The following CAMK1 variants were observed in gnomAD, a reference collection of about 807,000 sequenced individuals.
CAMK1 encodes calcium/calmodulin dependent protein kinase I, also known as calcium/calmodulin-dependent protein kinase type 1.
CAMK1 carries 39 observed loss-of-function variants against 49.1 expected under a neutral mutation model. The observed-to-expected ratio is 0.79, with a 90% CI of 0.62 to 1.04. CAMK1 has a LOEUF of 1.04. Ranked by LOEUF, CAMK1 falls within the 50% of genes least tolerant of loss-of-function variation. CAMK1 has a pLI of 0.00. For synonymous variants in CAMK1, 192 were observed against 185.2 expected, an observed-to-expected ratio of 1.04 and a Z score of -0.30; for missense variants, 457 against 472.2, an observed-to-expected ratio of 0.97 and a Z score of 0.30.
At chr3:9,768,790 A>G (rs958528576) in intron 1 of CAMK1, among the ~76,000 whole-genome samples, 1 of 152,178 alleles carries the variant, frequency 6.6e-6, no homozygotes, top group Non-Finnish European at 1.5e-5. Context: ...AATGAGGAGA[A>G]GGTGCCCTGA....
At chr3:9,758,435 T>C (rs2077690198) in intron 10 of CAMK1, 1 of 154,384 alleles carries the variant, frequency 6.5e-6, no homozygotes, top group Non-Finnish European at 1.4e-5. Flanking sequence ...TGACATCTCT[T>C]TCCCCCAACA....
chr3:9,762,899 C>T lies in CAMK1; in HGVS notation c.429+15G>A. 1.9e-6 allele frequency: 3 copies of T among 1,613,662 alleles called. No individual in the cohort carries two copies. Among genetic ancestry groups the T allele is most frequent in the Non-Finnish European group, 1.7e-6 (2 of 1,179,766 alleles). Reference sequence around the variant, plus strand: ...CCCTGGGTACCCTAGCTCACCACACCCCCTTGAGCCCCACCTTGAGATCCC... The same window carrying T: ...CCCTGGGTACCCTAGCTCACCACACTCCCTTGAGCCCCACCTTGAGATCCC... On this transcript the variant is annotated intron_variant, in intron 5 of 11. Coordinates refer to ENST00000256460, the MANE Select transcript of CAMK1 (RefSeq NM_003656.5).
At chr3:9,760,964 C>A in intron 7 of CAMK1, 196 bp from the exon 8 acceptor site, 1 of 765,970 alleles carries the variant, frequency 1.3e-6, no homozygotes, top group South Asian at 1.8e-5. Flanking sequence ...GCCATCTTGC[C>A]CTCCTCAGGG....
At chr3:9,764,299 T>C (rs2125587556) in intron 3 of CAMK1, among the ~76,000 whole-genome samples, 1 of 152,326 alleles carries the variant, frequency 6.6e-6, no homozygotes, top group African/African-American at 2.4e-5. Context: ...AATTGATTTT[T>C]TTTTTCTTTT....
chr3:9,759,989 TC>T, intron 8 of CAMK1: 1 of 487,072 alleles, frequency 2.1e-6, no homozygotes, highest in African/African-American at 1.9e-5. Flanking sequence ...ATGTCTGTAA[TC>T]CCAGCACTTT....
At chr3:9,759,822 A>C (rs752809610) in intron 8 of CAMK1, 72 bp from the exon 9 acceptor site, 2 of 1,611,960 alleles carry the variant, frequency 1.2e-6, no homozygotes, top group East Asian at 2.2e-5. Context: ...GAGCATACCC[A>C]CTCCCTCAGG....
intron 10 of CAMK1, chr3:9,759,244 A>G (rs2077732639): frequency 1.2e-6 from 2 of 1,614,216 alleles, no homozygotes; most frequent in Non-Finnish European, 1.7e-6. Flanking sequence ...GCTGGATCAG[A>G]TGCCTCCTGA....
Position 9,757,653 on chromosome 3 carries a change from A to AGG in CAMK1, c.1031-34_1031-33dup. 2 of 1,614,056 alleles carry AGG rather than the reference A, an allele frequency of 1.2e-6. No homozygotes were observed. Among genetic ancestry groups the AGG allele is most frequent in the Non-Finnish European group, 1.7e-6 (2 of 1,179,956 alleles). ...GGGAAGACAGAACAGAGGTGGCCGC[A>AGG]GGGGCAGGCCCTCCACTCCAGCCCG... On this transcript the variant is annotated intron_variant, in intron 11 of 11. Coordinates refer to ENST00000256460, the MANE Select transcript of CAMK1 (RefSeq NM_003656.5). This position sits in a 1 kb window ranked among gnomAD's most constrained non-coding sequence, Gnocchi z 4.5.
chr3:9,767,674 G>A lies in CAMK1; in HGVS notation c.76C>T (p.Leu26=). 6.2e-7 allele frequency: 1 copy of A among 1,614,140 alleles called. No individual in the cohort carries two copies. Among genetic ancestry groups the A allele is most frequent in the Non-Finnish European group, 8.5e-7 (1 of 1,180,024 alleles). The part of the protein sequence containing the change: ...IRDIYDFRDV[L]GTGAFSEVIL... ...ATCCTGCCCTGGACTCACGTGCCCA[G>A]AACATCTCGGAAGTCGTAGATGTCT... The change falls in exon 2 of 12, where the codon CTG becomes TTG. Residue 26 remains leucine (L), a synonymous_variant. Transcript: ENST00000256460.
chr3:9,761,655 C>A lies in CAMK1; in HGVS notation c.532G>T (p.Ala178Ser). Residue 178 changes from alanine to serine, a missense_variant, in exon 6 of 12, where the codon GCC (alanine) becomes TCC (serine). By Grantham distance (99) the Ala-to-Ser change is moderately conservative. Transcript: ENST00000256460. ...CCCACGTATCCCGGAGTTCCACAGGCGGTGGAGAGCACACTGCCCGGGTCC... is the reference window on the plus strand; with the variant it reads ...CCCACGTATCCCGGAGTTCCACAGGAGGTGGAGAGCACACTGCCCGGGTCC... ...MEDPGSVLST[A>S]CGTPGYVAPE... 1 of 1,614,120 alleles carries A rather than the reference C, an allele frequency of 6.2e-7. No homozygotes were observed. The highest frequency in any genetic ancestry group is 8.5e-7 in the Non-Finnish European group (1 of 1,180,000).
Position 9,763,110 on chromosome 3 carries a change from G to T in CAMK1, c.290+29C>A, listed in dbSNP as rs746451289. The stretch of plus-strand genomic sequence containing the variant: ...GGGTTGGGACAGCTGGGAGAGGTGT[G>T]GGGGCAGGGCAGAGGTTGGGCCACT... On this transcript the variant is annotated intron_variant, in intron 4 of 11. Coordinates refer to ENST00000256460, the MANE Select transcript of CAMK1 (RefSeq NM_003656.5). The T allele has an allele frequency of 4.1e-5, 66 of 1,614,136 alleles. No homozygotes were observed. In the African/African-American group the frequency reaches 4.3e-4, roughly 10 times the overall value.
chr3:9,766,259 T>C, intron 2 of CAMK1: 1 of 706,486 alleles, frequency 1.4e-6, no homozygotes, highest in Non-Finnish European at 2.6e-6. Flanking sequence ...ACCTGAGAAA[T>C]GGCCAAATAT....
chr3:9,763,426 C>A (rs566999829), intron 3 of CAMK1, among the ~76,000 whole-genome samples: 3 of 149,318 alleles, frequency 2.0e-5, no homozygotes, highest in Non-Finnish European at 1.5e-5. Flanking sequence ...AAAAAAACAG[C>A]GGTTTAGAGC....
rs920145784 is a variant in CAMK1 at position 9,767,712 on chromosome 3, G to C, written c.38C>G (p.Ala13Gly). 1 of 1,614,094 alleles carries C rather than the reference G, an allele frequency of 6.2e-7. No individual in the cohort carries two copies. Among genetic ancestry groups the C allele is most frequent in the South Asian group, 1.1e-5 (1 of 91,078 alleles). ...GAVEGPRWKQ[A>G]EDIRDIYDFR... Reference sequence around the variant, plus strand: ...GTCGTAGATGTCTCTAATGTCCTCCGCCTGCTTCCACCTGGGGCCTTCCAC... The same window carrying C: ...GTCGTAGATGTCTCTAATGTCCTCCCCCTGCTTCCACCTGGGGCCTTCCAC... Residue 13 changes from alanine to glycine, a missense_variant, in exon 2 of 12, where the codon GCG becomes GGG. Physicochemically the swap from Ala to Gly is moderately conservative, Grantham distance 60 (BLOSUM62 0). Transcript: ENST00000256460.
Position 9,763,004 on chromosome 3 carries a change from G to T in CAMK1, c.339C>A (p.Tyr113Ter). The change falls in exon 5 of 12, where the codon TAC (tyrosine) becomes TAA (stop). Residue 113 changes from tyrosine to a stop codon, truncating the protein, a stop_gained. Transcript: ENST00000256460. LOFTEE classifies it high-confidence loss of function. The part of the protein sequence containing the change: ...LFDRIVEKGF[Y>*]TERDASRLIF... ...TGAGGCGGCTGGCGTCCCGCTCCGT[G>T]TAGAAGCCTTTTTCCACAATACGGT... 1 of 1,614,176 alleles carries T rather than the reference G, an allele frequency of 6.2e-7. No homozygotes were observed. The highest frequency in any genetic ancestry group is 8.5e-7 in the Non-Finnish European group (1 of 1,180,040).
In CAMK1 at chr3:9,765,200, C is replaced by T. The variant is rs146018083; in HGVS notation, c.215+559G>A. Reference sequence around the variant, plus strand: ...CAAGATTGCGTCACTGCACTCCAGCCGGGGCAACAGAGTGAGACTCCATCT... The same window carrying T: ...CAAGATTGCGTCACTGCACTCCAGCTGGGGCAACAGAGTGAGACTCCATCT... On this transcript the variant is annotated intron_variant, in intron 3 of 11. Transcript: ENST00000256460. Among the ~76,000 whole-genome samples, 703 of 149,926 alleles carry T rather than the reference C, an allele frequency of 4.7e-3. 12 individuals carry two copies. The East Asian group carries it at 0.054, about 12-fold the overall frequency.
chr3:9,762,946 G>T lies in CAMK1; in HGVS notation c.397C>A (p.His133Asn), dbSNP rs2077956819. ...TCCCGGTGTACAATGCCCAGGTCAT[G>T]CAGGTATTTCACAGCATCCAGCACC... ...FQVLDAVKYL[H>N]DLGIVHRDLK... Residue 133 changes from histidine to asparagine, a missense_variant, in exon 5 of 12, where the codon CAT becomes AAT. Physicochemically the swap from His to Asn is moderately conservative, Grantham distance 68. Transcript: ENST00000256460. 1 of 1,614,036 alleles carries T rather than the reference G, an allele frequency of 6.2e-7. No individual in the cohort carries two copies. Among genetic ancestry groups the T allele is most frequent in the Admixed American group, 1.7e-5 (1 of 60,006 alleles).
intron 3 of CAMK1, among the ~76,000 whole-genome samples, chr3:9,765,467 T>G (rs927586191): frequency 2.3e-4 from 35 of 152,162 alleles, no homozygotes; most frequent in Non-Finnish European, 4.3e-4. Context: ...AACTGAGATA[T>G]GTGGGTCCAA....
intron 4 of CAMK1, 29 bp from the exon 5 acceptor site, chr3:9,763,081 A>G (rs753131936): frequency 5.5e-5 from 88 of 1,613,940 alleles, no homozygotes; most frequent in Non-Finnish European, 6.8e-5. Context: ...CAGTCTGGCA[A>G]AGAGGGTTGG....
Sources: allele counts gnomAD v4.1 joint callset (sites outside exome capture counted in the v4.1 genomes callset), GRCh38; gene constraint gnomAD v4.1.1; non-coding constraint Gnocchi (gnomAD v3.1); transcripts MANE v1.5; gene names NCBI Gene and HGNC (gene_info 2026-07-23, HGNC 2026-07-21).